The following GRAMD2B variants were observed in gnomAD, a reference collection of about 807,000 sequenced individuals.
GRAMD2B encodes the protein GRAM domain containing 2B.
GRAMD2B carries 41 observed loss-of-function variants against 59.2 expected under a neutral mutation model. The observed-to-expected ratio is 0.69, with a 90% CI of 0.54 to 0.90. The LOEUF is 0.90. Among genes scored for constraint, GRAMD2B ranks in the 40% least tolerant of loss-of-function variants. GRAMD2B has a pLI of 0.00. For synonymous variants in GRAMD2B, 161 were observed against 182.7 expected, an observed-to-expected ratio of 0.88 and a Z score of 0.96; for missense variants, 424 against 500.5, an observed-to-expected ratio of 0.85 and a Z score of 1.46.
At chr5:126,428,374 A>C (rs574769486) in intron 1 of GRAMD2B, among the ~76,000 whole-genome samples, 1 of 152,208 alleles carries the variant, frequency 6.6e-6, no homozygotes, top group South Asian at 2.1e-4. Context: ...TATAAATTAT[A>C]TTAAACAAAT....
At chr5:126,360,326 T>C (rs1250526018) in exon 1 of GRAMD2B, 3 of 1,551,096 alleles carry the variant, frequency 1.9e-6, no homozygotes, top group South Asian at 2.4e-5. Context: ...ACCTGGCCTC[T>C]AGAAGATGAC....
At chr5:126,371,593 C>G in intron 1 of GRAMD2B, 1 of 1,266,630 alleles carries the variant, frequency 7.9e-7, no homozygotes, top group Non-Finnish European at 1.0e-6. Context: ...GCCTGGCCAT[C>G]CACGTCTGTC....
At chr5:126,426,373 C>T (rs935467653) in intron 1 of GRAMD2B, among the ~76,000 whole-genome samples, 2 of 152,090 alleles carry the variant, frequency 1.3e-5, no homozygotes, top group Non-Finnish European at 2.9e-5. Flanking sequence ...TCATTACTGG[C>T]CATACTCATC....
chr5:126,460,747 G>A (rs1767199858), intron 1 of GRAMD2B, among the ~76,000 whole-genome samples: 1 of 152,182 alleles, frequency 6.6e-6, no homozygotes, highest in Non-Finnish European at 1.5e-5. Context: ...CCAGATCTTG[G>A]TGAATCCAGG....
At chr5:126,425,866 G>T (rs528107250) in intron 1 of GRAMD2B, among the ~76,000 whole-genome samples, 2 of 152,244 alleles carry the variant, frequency 1.3e-5, no homozygotes, top group Middle Eastern at 6.8e-3. Flanking sequence ...TAGAAAGGGT[G>T]GGGAAGGAGG....
chr5:126,444,730 C>T (rs907106914), intron 1 of GRAMD2B, among the ~76,000 whole-genome samples: 1 of 152,140 alleles, frequency 6.6e-6, no homozygotes, highest in African/African-American at 2.4e-5. Context: ...GGTATATGTG[C>T]AGGATGTGCA....
chr5:126,487,042 C>T (rs113735364), intron 12 of GRAMD2B, 65 bp downstream of exon 12: 3 of 816,744 alleles, frequency 3.7e-6, no homozygotes, highest in Non-Finnish European at 6.3e-6. Context: ...TTGACCTGAA[C>T]TTAGCATCCT....
intron 1 of GRAMD2B, among the ~76,000 whole-genome samples, chr5:126,432,129 A>G (rs115049763): frequency 0.016 from 2,400 of 151,902 alleles, 55 homozygotes; most frequent in African/African-American, 0.055. Context: ...GGGTTTCACC[A>G]TGTTACTCAG....
intron 1 of GRAMD2B, among the ~76,000 whole-genome samples, chr5:126,404,597 A>G (rs970218832): frequency 4.6e-5 from 7 of 151,952 alleles, no homozygotes; most frequent in Middle Eastern, 3.2e-3. Flanking sequence ...AGAGTAGCAG[A>G]TTATGACAGG....
intron 1 of GRAMD2B, among the ~76,000 whole-genome samples, chr5:126,394,206 C>T (rs1240910719): frequency 2.0e-5 from 3 of 150,528 alleles, no homozygotes; most frequent in African/African-American, 7.3e-5. Flanking sequence ...ACCCGGGAGG[C>T]AGAGCTTGCA....
In GRAMD2B at chr5:126,398,467, T is replaced by C. The variant is rs187964032; in HGVS notation, c.125+26900T>C. Among the ~76,000 whole-genome samples, 250 of 152,242 alleles carry C rather than the reference T, an allele frequency of 1.6e-3. 2 individuals carry two copies. Among genetic ancestry groups the C allele is most frequent in the African/African-American group, 5.7e-3 (239 of 41,568 alleles). The stretch of plus-strand genomic sequence containing the variant: ...ATTATTTCTTAGATATTTGTTGTAA[T>C]GTCTCCTCTTCCAATTCTGATTTTA... On this transcript the variant is annotated intron_variant, in intron 1 of 8. Transcript: ENST00000506445.
chr5:126,474,531 A>G (rs79077006), intron 5 of GRAMD2B, among the ~76,000 whole-genome samples: 46 of 152,294 alleles, frequency 3.0e-4, no homozygotes, highest in African/African-American at 1.1e-3. Context: ...ATATATTTCT[A>G]CATTTCTGGA....
intron 2 of GRAMD2B, chr5:126,466,467 C>A: frequency 1.5e-6 from 1 of 659,276 alleles, no homozygotes; most frequent in Non-Finnish European, 2.8e-6. Flanking sequence ...GCTCTGTCAT[C>A]CAGGCTGGAG....
At chr5:126,485,642 G>A in intron 10 of GRAMD2B, 44 bp from the exon 11 acceptor site, 1 of 1,204,710 alleles carries the variant, frequency 8.3e-7, no homozygotes, top group Non-Finnish European at 1.2e-6. Context: ...TAAAAGAAGT[G>A]TGTTATGGTT....
chr5:126,394,331 G>T (rs923101847), intron 1 of GRAMD2B, among the ~76,000 whole-genome samples: 1 of 151,848 alleles, frequency 6.6e-6, no homozygotes, highest in Non-Finnish European at 1.5e-5. Flanking sequence ...GCAAACCTCA[G>T]AGGTCAGGTG....
chr5:126,405,400 G>C (rs1451191742), intron 1 of GRAMD2B, among the ~76,000 whole-genome samples: 1 of 151,870 alleles, frequency 6.6e-6, no homozygotes, highest in Non-Finnish European at 1.5e-5. Context: ...TGTGTGATTT[G>C]GGTGAGTTAT....
At chr5:126,396,682 TG>T (rs1757389912) in intron 1 of GRAMD2B, among the ~76,000 whole-genome samples, 1 of 152,192 alleles carries the variant, frequency 6.6e-6, no homozygotes, top group African/African-American at 2.4e-5. Context: ...ATATTCCTTT[TG>T]GTATATACCC....
upstream of GRAMD2B, among the ~76,000 whole-genome samples, chr5:126,369,896 G>C (rs1259212156): frequency 1.3e-5 from 2 of 152,196 alleles, no homozygotes; most frequent in Admixed American, 6.5e-5. Context: ...GCAGGTTGTT[G>C]CTATTGTATG....
intron 1 of GRAMD2B, among the ~76,000 whole-genome samples, chr5:126,447,554 C>T (rs1318939359): frequency 1.3e-5 from 2 of 151,920 alleles, no homozygotes; most frequent in Non-Finnish European, 2.9e-5. Context: ...GTCCCAGCTA[C>T]TCAGGAGGCT....
Sources: gnomAD v4.1 joint callset for allele counts (sites outside exome capture counted in the v4.1 genomes callset) on GRCh38, gnomAD v4.1.1 for gene constraint, MANE v1.5 for transcripts, NCBI Gene and HGNC (gene_info 2026-07-23, HGNC 2026-07-21) for gene names.